Variants in BMAL2 observed in about 807,000 individuals in gnomAD.
BMAL2 encodes basic helix-loop-helix ARNT like 2.
At chr12:27,411,100 A>G in the BMAL2 span, among the ~76,000 whole-genome samples, 1 of 152,144 alleles carries the variant, frequency 6.6e-6, no homozygotes, top group African/African-American at 2.4e-5. Context: ...TATCTTAAAC[A>G]TTGTAGTATA....
chr12:27,346,520 C>T, the BMAL2 span, among the ~76,000 whole-genome samples: 3 of 152,330 alleles, frequency 2.0e-5, no homozygotes, highest in East Asian at 5.8e-4. Flanking sequence ...ACCTTGGCCT[C>T]CCAAAGTGCT....
At chr12:27,414,506 G>GT in the BMAL2 span, among the ~76,000 whole-genome samples, 1 of 152,134 alleles carries the variant, frequency 6.6e-6, no homozygotes, top group Admixed American at 6.5e-5. Context: ...GAGGAAAATC[G>GT]TAAGAGTCAC....
At chr12:27,343,899 A>T in the BMAL2 span, among the ~76,000 whole-genome samples, 1 of 152,162 alleles carries the variant, frequency 6.6e-6, no homozygotes, top group African/African-American at 2.4e-5. Context: ...CAGTTTCCTT[A>T]TAGTCATCAT....
At chr12:27,367,869 G>T in the BMAL2 span, among the ~76,000 whole-genome samples, 1 of 151,498 alleles carries the variant, frequency 6.6e-6, no homozygotes, top group African/African-American at 2.4e-5. Context: ...TTTTGAGAGG[G>T]AGTCTCGCTC....
At chr12:27,396,105 T>G in the BMAL2 span, among the ~76,000 whole-genome samples, 1 of 152,186 alleles carries the variant, frequency 6.6e-6, no homozygotes, top group Non-Finnish European at 1.5e-5. Flanking sequence ...GGTTATAAGG[T>G]AGACCCCTAT....
the BMAL2 span, among the ~76,000 whole-genome samples, chr12:27,336,571 T>G: frequency 6.6e-6 from 1 of 152,228 alleles, no homozygotes; most frequent in African/African-American, 2.4e-5. Flanking sequence ...GCTGTCACAC[T>G]TACTGGTCCC....
At chr12:27,367,854 A>AT in the BMAL2 span, among the ~76,000 whole-genome samples, 3 of 150,654 alleles carry the variant, frequency 2.0e-5, no homozygotes, top group South Asian at 2.1e-4. Context: ...ATGTATACAC[A>AT]TTTTTTTTGA....
chr12:27,376,368 G>A, the BMAL2 span: 33 of 1,613,856 alleles, frequency 2.0e-5, no homozygotes, highest in Non-Finnish European at 2.6e-5. Flanking sequence ...TGAACACCAA[G>A]TTAAAATGAA....
chr12:27,403,597 T>A, the BMAL2 span: 1 of 1,123,152 alleles, frequency 8.9e-7, no homozygotes. Context: ...ATTTATAAAA[T>A]CAATATACAA....
the BMAL2 span, chr12:27,368,395 T>C: frequency 1.2e-6 from 2 of 1,613,946 alleles, no homozygotes; most frequent in Non-Finnish European, 1.7e-6. Flanking sequence ...GCAAAGGAAG[T>C]GATTCAGACC....
At chr12:27,401,543 A>G in the BMAL2 span, 1 of 1,600,826 alleles carries the variant, frequency 6.2e-7, no homozygotes, top group South Asian at 1.1e-5. Context: ...GTAAGGAGAA[A>G]ATACTTACAG....
the BMAL2 span, among the ~76,000 whole-genome samples, chr12:27,416,396 T>TG: frequency 1.3e-5 from 2 of 151,322 alleles, no homozygotes; most frequent in Non-Finnish European, 3.0e-5. Context: ...CCTTGAGGTT[T>TG]GGAAAAAAAA....
the BMAL2 span, among the ~76,000 whole-genome samples, chr12:27,381,786 T>TA: frequency 6.6e-6 from 1 of 152,146 alleles, no homozygotes; most frequent in Admixed American, 6.6e-5. Flanking sequence ...ACTGAAAAGA[T>TA]AAGACCTGGC....
the BMAL2 span, among the ~76,000 whole-genome samples, chr12:27,403,999 C>CAA: frequency 2.3e-5 from 3 of 130,056 alleles, no homozygotes; most frequent in South Asian, 2.4e-4. Flanking sequence ...CTCATCTCTA[C>CAA]AAAAAAAAAA....
At chr12:27,403,678 C>A in the BMAL2 span, 2 of 440,638 alleles carry the variant, frequency 4.5e-6, no homozygotes, top group Non-Finnish European at 3.9e-6. Context: ...TTTACAGTAG[C>A]AACAAAAAGA....
the BMAL2 span, among the ~76,000 whole-genome samples, chr12:27,410,998 ACTAT>A: frequency 6.6e-6 from 1 of 152,294 alleles, no homozygotes; most frequent in South Asian, 2.1e-4. Flanking sequence ...AAATAGACAA[ACTAT>A]CTTAATGTAT....
the BMAL2 span, chr12:27,370,312 C>A: frequency 2.9e-6 from 3 of 1,017,422 alleles, no homozygotes; most frequent in South Asian, 1.4e-5. Flanking sequence ...GATACACGTC[C>A]CACTGATTTG....
At chr12:27,416,265 G>T in the BMAL2 span, among the ~76,000 whole-genome samples, 24 of 152,220 alleles carry the variant, frequency 1.6e-4, no homozygotes, top group African/African-American at 4.1e-4. Flanking sequence ...TGAGAATTAA[G>T]AGCTTAAATA....
the BMAL2 span, among the ~76,000 whole-genome samples, chr12:27,393,070 A>G: frequency 2.0e-5 from 3 of 152,296 alleles, no homozygotes; most frequent in Non-Finnish European, 4.4e-5. Context: ...CTCTTCTGAC[A>G]TAAGTAAACT....
Sources: allele counts gnomAD v4.1 joint callset (sites outside exome capture counted in the v4.1 genomes callset), GRCh38; gene constraint gnomAD v4.1.1; transcripts MANE v1.5; gene names NCBI Gene and HGNC (gene_info 2026-07-23, HGNC 2026-07-21).